Variants in NNAT observed in about 807,000 individuals in gnomAD.
The protein encoded by NNAT is neuronatin.
NNAT carries 8 observed loss-of-function variants against 12.7 expected under a neutral mutation model. That is an observed-to-expected ratio of 0.63 (90% confidence interval 0.37 to 1.14). The LOEUF is 1.14. NNAT is among the 50% of genes most tolerant of loss of function. NNAT has a pLI of 0.01. For missense variants in NNAT, 94 were observed against 108.3 expected (o/e 0.87, Z 0.59); for synonymous variants, 52 against 48.5 (o/e 1.07, Z -0.30).
Position 37,521,821 on chromosome 20 carries a change from TA to T in NNAT, c.72+425del. ...TTGCGCATTGCGGAGAAATTTTATTTAAAAAAACATATAGCGCTTGCGGGGG... is the reference window on the plus strand; with the variant it reads ...TTGCGCATTGCGGAGAAATTTTATTTAAAAAACATATAGCGCTTGCGGGGG... On this transcript the variant is annotated intron_variant, in intron 1 of 2. Transcript: ENST00000649451. This position sits in a 1 kb window ranked among gnomAD's most constrained non-coding sequence, Gnocchi z 4.5. 1 of 160,682 alleles carries T rather than the reference TA, an allele frequency of 6.2e-6. No individual in the cohort carries two copies. Among genetic ancestry groups the T allele is most frequent in the Non-Finnish European group, 1.3e-5 (1 of 75,090 alleles). 10.0% of individuals were successfully genotyped at this position (160,682 alleles called of 1,614,324 possible). A position where few individuals can be genotyped will look rare whatever the true frequency, so the allele number is the denominator to read the frequency against.
chr20:37,522,766 A>G lies in NNAT; in HGVS notation c.*7A>G. 1 of 1,593,456 alleles carries G rather than the reference A, an allele frequency of 6.3e-7. No homozygotes were observed. Among genetic ancestry groups the G allele is most frequent in the Non-Finnish European group, 8.5e-7 (1 of 1,170,820 alleles). The stretch of plus-strand genomic sequence containing the variant: ...GCAGCGAGCCCCCAACTGAGGCCCC[A>G]GCTCCCAGCCCTGGGCGGCCGTATC... On this transcript the variant is annotated 3_prime_UTR_variant, in exon 3 of 3. Coordinates refer to ENST00000649451, the MANE Select transcript of NNAT (RefSeq NM_005386.4).
Position 37,523,040 on chromosome 20 carries a change from T to G in NNAT, c.*281T>G, listed in dbSNP as rs1601096244. The G allele has an allele frequency of 2.5e-6, 1 of 394,622 alleles. No individual in the cohort carries two copies. Among genetic ancestry groups the G allele is most frequent in the East Asian group, 4.0e-5 (1 of 24,700 alleles). 24.4% of individuals were successfully genotyped at this position (394,622 alleles called of 1,614,324 possible). ...GGAGCAGACCCCTGAGATCTGGGCA[T>G]AGGCACCGCATTCTGATCTGGACAA... On this transcript the variant is annotated 3_prime_UTR_variant, in exon 3 of 3. Coordinates refer to ENST00000649451, the MANE Select transcript of NNAT (RefSeq NM_005386.4).
At position 37,521,504 on chromosome 20, in the gene NNAT, C is replaced by A; in HGVS notation, c.72+101C>A. Reference sequence around the variant, plus strand: ...TGCCGCTTCCCGGACCCGTCCTATTCCGATTGCCGCGATCCTTGCCTGCCC... The same window carrying A: ...TGCCGCTTCCCGGACCCGTCCTATTACGATTGCCGCGATCCTTGCCTGCCC... On this transcript the variant is annotated intron_variant, in intron 1 of 2. Transcript: ENST00000649451. The surrounding 1 kb of genome is among the most constrained non-coding windows in gnomAD (Gnocchi z 4.5). The A allele has an allele frequency of 1.7e-6, 2 of 1,199,606 alleles. No individual in the cohort carries two copies. The highest frequency in any genetic ancestry group is 2.5e-5 in the South Asian group (2 of 79,580). 74.3% of individuals were successfully genotyped at this position (1,199,606 alleles called of 1,614,324 possible).
Position 37,521,905 on chromosome 20 carries a change from CAA to C in NNAT, c.73-442_73-441del, listed in dbSNP as rs113961648. Among the ~76,000 whole-genome samples the C allele has an allele frequency of 9.1e-6, 1 of 110,320 alleles. No homozygotes were observed. Among genetic ancestry groups the C allele is most frequent in the Non-Finnish European group, 2.0e-5 (1 of 50,672 alleles). The allele number at this position is 110,320 out of a possible 152,430, so 72.4% of individuals were successfully genotyped here. On this transcript the variant is annotated intron_variant, in intron 1 of 2. Transcript: ENST00000649451. This position sits in a 1 kb window ranked among gnomAD's most constrained non-coding sequence, Gnocchi z 4.5. ...CTCAGAAAAAATAAAAATTACTTCG[CAA>C]AAAAAAAAAACCCTACAACGAATTA... is the stretch of plus-strand genomic sequence containing the variant.
chr20:37,522,180 C>G (rs376138308), intron 1 of NNAT, among the ~76,000 whole-genome samples, 178 bp from the exon 2 acceptor site: 1 of 104,776 alleles, frequency 9.5e-6, no homozygotes, highest in Non-Finnish European at 2.1e-5. Context: ...AATTGCTTTA[C>G]AAAAAAAAAA....
intron 2 of NNAT, 72 bp from the exon 3 acceptor site, chr20:37,522,595 T>C (rs1456093406): frequency 3.3e-6 from 3 of 910,420 alleles, no homozygotes; most frequent in South Asian, 1.7e-5. Flanking sequence ...GGGGCGGGGG[T>C]GGGCACGGCA....
Position 37,522,832 on chromosome 20 carries a change from T to A in NNAT, c.*73T>A, listed in dbSNP as rs914180033. ...GCATCTCGGCCAGCACGGGAGCCAG[T>A]GCCGCGCAGGAATGTGGGGTCCCCT... is the stretch of plus-strand genomic sequence containing the variant. On this transcript the variant is annotated 3_prime_UTR_variant, in exon 3 of 3. Coordinates refer to ENST00000649451, the MANE Select transcript of NNAT (RefSeq NM_005386.4). The A allele has an allele frequency of 7.9e-6, 11 of 1,393,264 alleles. No individual in the cohort carries two copies. Among genetic ancestry groups the A allele is most frequent in the Non-Finnish European group, 1.1e-5 (11 of 1,028,370 alleles). The allele number at this position is 1,393,264 out of a possible 1,614,324, so 86.3% of individuals were successfully genotyped here. A position where few individuals can be genotyped will look rare whatever the true frequency, so the allele number is the denominator to read the frequency against.
chr20:37,522,753 C>G lies in NNAT; in HGVS notation c.240C>G (p.Pro80=). The change falls in exon 3 of 3, where the codon CCC becomes CCG. Residue 80 remains proline, a synonymous_variant. Transcript: ENST00000649451. ...TGGGGGAGCGCAGGCAGCGAGCCCC[C>G]AACTGAGGCCCCAGCTCCCAGCCCT... ...QVLGERRQRA[P]N is the part of the protein sequence containing the mutation. The G allele has an allele frequency of 6.2e-7, 1 of 1,600,940 alleles. No individual in the cohort carries two copies.
At position 37,521,608 on chromosome 20, in the gene NNAT, C is replaced by A; in HGVS notation, c.72+205C>A. ...TCGCGCTGACCCTCCCTAGTGCGCC[C>A]GCGCCTGCCAGGGAACAAAGACTCG... On this transcript the variant is annotated intron_variant, in intron 1 of 2. Coordinates refer to ENST00000649451, the MANE Select transcript of NNAT (RefSeq NM_005386.4). This position sits in a 1 kb window ranked among gnomAD's most constrained non-coding sequence, Gnocchi z 4.5. The A allele has an allele frequency of 1.8e-6, 1 of 570,610 alleles. No homozygotes were observed. The highest frequency in any genetic ancestry group is 1.9e-5 in the African/African-American group (1 of 52,352). 35.3% of individuals were successfully genotyped at this position (570,610 alleles called of 1,614,324 possible). A position where few individuals can be genotyped will look rare whatever the true frequency, so the allele number is the denominator to read the frequency against.
At chr20:37,522,598 G>GGGGGGGGGGGGGGGGGGGGGGGGGCCC in intron 2 of NNAT, 69 bp from the exon 3 acceptor site, 7 of 864,320 alleles carry the variant, frequency 8.1e-6, no homozygotes, top group Non-Finnish European at 8.6e-6. Flanking sequence ...GCGGGGGTGG[G>GGGGGGGGGGGGGGGGGGGGGGGGGCCC]CACGGCAGCA....
Position 37,523,055 on chromosome 20 carries a change from G to A in NNAT, c.*296G>A. 1 of 365,566 alleles carries A rather than the reference G, an allele frequency of 2.7e-6. No individual in the cohort carries two copies. The highest frequency in any genetic ancestry group is 4.9e-6 in the Non-Finnish European group (1 of 202,706). 22.6% of individuals were successfully genotyped at this position (365,566 alleles called of 1,614,324 possible). ...GATCTGGGCATAGGCACCGCATTCT[G>A]ATCTGGACAAAGTCGGGACAGCACC... On this transcript the variant is annotated 3_prime_UTR_variant, in exon 3 of 3. Coordinates refer to ENST00000649451, the MANE Select transcript of NNAT (RefSeq NM_005386.4).
chr20:37,522,919 A>C lies in NNAT; in HGVS notation c.*160A>C. ...TGAGGGGCCAGTAGACCCCCGGAGA[A>C]GCAGTACCGACAATGACGAAGATAC... On this transcript the variant is annotated 3_prime_UTR_variant, in exon 3 of 3. Coordinates refer to ENST00000649451, the MANE Select transcript of NNAT (RefSeq NM_005386.4). 1.7e-6 allele frequency: 1 copy of C among 604,274 alleles called. No individual in the cohort carries two copies. Among genetic ancestry groups the C allele is most frequent in the South Asian group, 2.1e-5 (1 of 48,060 alleles). The allele number at this position is 604,274 out of a possible 1,614,324, so 37.4% of individuals were successfully genotyped here.
In NNAT at chr20:37,521,344, G is replaced by T; in HGVS notation, c.13G>T (p.Ala5Ser). 6.2e-7 allele frequency: 1 copy of T among 1,614,098 alleles called. No homozygotes were observed. Residue 5 changes from alanine (A) to serine (S), a missense_variant, in exon 1 of 3, where the codon GCG (alanine) becomes TCG (serine). Coordinates refer to ENST00000649451, the MANE Select transcript of NNAT (RefSeq NM_005386.4). The surrounding 1 kb of genome is among the most constrained non-coding windows in gnomAD (Gnocchi z 4.5). ...CATTCTTGGAACCATGGCGGCAGTG[G>T]CGGCGGCCTCGGCTGAACTGCTCAT... Reference protein sequence around the residue: MAAVAAASAELLIIG... With the variant: MAAVSAASAELLIIG...
At chr20:37,522,477 G>A in intron 2 of NNAT, 39 bp downstream of exon 2, 4 of 1,574,248 alleles carry the variant, frequency 2.5e-6, no homozygotes, top group Non-Finnish European at 2.6e-6. Context: ...TTGCCGCCAT[G>A]CAGCTCTCAG....
In NNAT at chr20:37,523,013, G is replaced by A; in HGVS notation, c.*254G>A. 1 of 456,384 alleles carries A rather than the reference G, an allele frequency of 2.2e-6. No homozygotes were observed. Among genetic ancestry groups the A allele is most frequent in the Non-Finnish European group, 3.9e-6 (1 of 256,512 alleles). 28.3% of individuals were successfully genotyped at this position (456,384 alleles called of 1,614,324 possible). On this transcript the variant is annotated 3_prime_UTR_variant, in exon 3 of 3. Transcript: ENST00000649451. ...AGGGTCGAGAGAGGAGGGGGGATAG[G>A]GGGAGCAGACCCCTGAGATCTGGGC...
rs887430819 is a variant in NNAT, at chr20:37,522,914, G to A, written c.*155G>A. On this transcript the variant is annotated 3_prime_UTR_variant, in exon 3 of 3. Transcript: ENST00000649451. Reference sequence around the variant, plus strand: ...GTCAGTGAGGGGCCAGTAGACCCCCGGAGAAGCAGTACCGACAATGACGAA... The same window carrying A: ...GTCAGTGAGGGGCCAGTAGACCCCCAGAGAAGCAGTACCGACAATGACGAA... The A allele has an allele frequency of 1.1e-5, 7 of 613,060 alleles. No individual in the cohort carries two copies. Among genetic ancestry groups the A allele is most frequent in the Middle Eastern group, 4.4e-4 (1 of 2,292 alleles). The allele number at this position is 613,060 out of a possible 1,614,324, so 38.0% of individuals were successfully genotyped here. A position where few individuals can be genotyped will look rare whatever the true frequency, so the allele number is the denominator to read the frequency against.
intron 1 of NNAT, among the ~76,000 whole-genome samples, 160 bp from the exon 2 acceptor site, chr20:37,522,198 T>TA (rs5841264): frequency 0.94 from 136,483 of 144,932 alleles, 64,519 homozygotes; most frequent in Non-Finnish European, 0.99. Flanking sequence ...AAAATAATAA[T>TA]AAAAAAAATA....
chr20:37,522,598 G>GGGGGGGGGCCC, intron 2 of NNAT, 69 bp from the exon 3 acceptor site: 2 of 864,414 alleles, frequency 2.3e-6, no homozygotes, highest in Non-Finnish European at 3.4e-6. Flanking sequence ...GCGGGGGTGG[G>GGGGGGGGGCCC]CACGGCAGCA....
In NNAT at chr20:37,523,604, GACC is replaced by G. The variant is rs1555807251; in HGVS notation, c.*849_*851del. 6.6e-6 allele frequency: 1 copy of G among 152,654 alleles called. No individual in the cohort carries two copies. Among genetic ancestry groups the G allele is most frequent in the Non-Finnish European group, 1.5e-5 (1 of 68,104 alleles). 9.5% of individuals were successfully genotyped at this position (152,654 alleles called of 1,614,324 possible). A position where few individuals can be genotyped will look rare whatever the true frequency, so the allele number is the denominator to read the frequency against. On this transcript the variant is annotated 3_prime_UTR_variant, in exon 3 of 3. Coordinates refer to ENST00000649451, the MANE Select transcript of NNAT (RefSeq NM_005386.4). ...AGATTGTAAGCTCCTGGAGGACAGG[GACC>G]ACCTCTACAAAAAATAAAAAAAGTA...
Sources: allele counts gnomAD v4.1 joint callset (sites outside exome capture counted in the v4.1 genomes callset), GRCh38; gene constraint gnomAD v4.1.1; non-coding constraint Gnocchi (gnomAD v3.1); transcripts MANE v1.5; gene names NCBI Gene and HGNC (gene_info 2026-07-23, HGNC 2026-07-21).